NUAK1: variants seen among roughly 807,000 people sequenced by gnomAD.
NUAK1 encodes the protein NUAK family SNF1-like kinase 1.
In NUAK1, 26 loss-of-function variants were observed where a neutral mutation model predicts 56.9. The ratio of observed to expected loss-of-function variants is 0.46; its 90% CI spans 0.33 to 0.63. The LOEUF is 0.63. Among genes scored for constraint, NUAK1 ranks in the 30% least tolerant of loss-of-function variants. The probability of loss-of-function intolerance (pLI) is 0.02; values close to 1 mark genes in which losing one functional copy is unlikely to be tolerated. For synonymous variants in NUAK1, 337 were observed against 336.0 expected (o/e 1.00, Z -0.03); for missense variants, 727 against 876.1 (o/e 0.83, Z 2.15).
chr12:106,067,907 C>T lies in NUAK1; in HGVS notation c.881G>A (p.Arg294Gln). ...GTTGGCAATGTCCTCAATAGTGGCC[C>T]GGCGATCGGGGTTCACCATCAGCAT... ...RWMLMVNPDR[R>Q]ATIEDIANHW... Residue 294 changes from arginine to glutamine, a missense_variant, in exon 7 of 7, where the codon CGG becomes CAG. Transcript: ENST00000261402. This position sits in a 1 kb window ranked among gnomAD's most constrained non-coding sequence, Gnocchi z 6.0. The T allele has an allele frequency of 6.2e-7, 1 of 1,613,664 alleles. No individual in the cohort carries two copies. The highest frequency in any genetic ancestry group is 8.5e-7 in the Non-Finnish European group (1 of 1,179,690).
chr12:106,133,588 GT>G (rs2033100780), intron 1 of NUAK1, among the ~76,000 whole-genome samples: 1 of 152,192 alleles, frequency 6.6e-6, no homozygotes, highest in Non-Finnish European at 1.5e-5. Flanking sequence ...TGTAAAATGG[GT>G]CTCACTATTT....
At chr12:106,118,584 G>A (rs770836297) in intron 1 of NUAK1, among the ~76,000 whole-genome samples, 5 of 152,322 alleles carry the variant, frequency 3.3e-5, no homozygotes, top group Middle Eastern at 3.4e-3. Context: ...TGGATCAAGC[G>A]TTGCTTTGAT....
In NUAK1 at chr12:106,086,841, T is replaced by C; in HGVS notation, c.406A>G (p.Ser136Gly). 6.2e-7 allele frequency: 1 copy of C among 1,614,170 alleles called. No individual in the cohort carries two copies. The highest frequency in any genetic ancestry group is 8.5e-7 in the Non-Finnish European group (1 of 1,179,996). Reference protein sequence around the residue: ...DKIVIIMEYASKGELYDYISE... With the variant: ...DKIVIIMEYAGKGELYDYISE... ...ATGTAATCGTACAGCTCCCCTTTGC[T>C]GGCATATTCCATGATGATCACAATC... The change falls in exon 3 of 7, where the codon AGC becomes GGC. Residue 136 changes from serine (S) to glycine (G), a missense_variant. Physicochemically the swap from Ser to Gly is moderately conservative, Grantham distance 56. Transcript: ENST00000261402.
chr12:106,133,604 C>A (rs775887671), intron 1 of NUAK1, among the ~76,000 whole-genome samples: 2 of 152,196 alleles, frequency 1.3e-5, no homozygotes, highest in Admixed American at 6.5e-5. Flanking sequence ...CTATTTTACA[C>A]CTCACAGGGT....
intron 1 of NUAK1, among the ~76,000 whole-genome samples, chr12:106,121,311 A>G (rs2032972028): frequency 6.6e-6 from 1 of 152,222 alleles, no homozygotes; most frequent in African/African-American, 2.4e-5. Flanking sequence ...CACTTAGTGT[A>G]TCTTGCAGAA....
At chr12:106,083,614 G>A (rs1338245885) in intron 4 of NUAK1, among the ~76,000 whole-genome samples, 3 of 152,214 alleles carry the variant, frequency 2.0e-5, no homozygotes, top group Non-Finnish European at 4.4e-5. Flanking sequence ...GAGAGACACT[G>A]TATCTCAGTC....
In NUAK1 at chr12:106,119,721, G is replaced by A. The variant is rs1202047522; in HGVS notation, c.241-13196C>T. ...AAGAAGAATTTTATTTTTTAAAAAG[G>A]TCACAAAGAGGAATGAAAGTTAATA... On this transcript the variant is annotated intron_variant, in intron 1 of 6. Coordinates refer to ENST00000261402, the MANE Select transcript of NUAK1 (RefSeq NM_014840.3). Among the ~76,000 whole-genome samples the A allele has an allele frequency of 2.0e-5, 3 of 152,198 alleles. No homozygotes were observed. In the East Asian group the frequency reaches 5.8e-4, roughly 29 times the overall value.
chr12:106,068,921 C>A (rs1370914702), intron 6 of NUAK1, among the ~76,000 whole-genome samples: 1 of 152,190 alleles, frequency 6.6e-6, no homozygotes, highest in African/African-American at 2.4e-5. Context: ...GATGATCATC[C>A]TCAGTCATTC....
chr12:106,120,670 AACAG>A (rs1453836201), intron 1 of NUAK1, among the ~76,000 whole-genome samples: 2 of 152,200 alleles, frequency 1.3e-5, no homozygotes, highest in African/African-American at 4.8e-5. Flanking sequence ...CCCTGAAATA[AACAG>A]ACAGTCAAAG....
intron 4 of NUAK1, among the ~76,000 whole-genome samples, chr12:106,082,669 G>A (rs919703069): frequency 2.0e-5 from 3 of 152,116 alleles, no homozygotes; most frequent in African/African-American, 4.8e-5. Context: ...ATGTGACTAC[G>A]GTCAAACACT....
At position 106,067,139 on chromosome 12, in the gene NUAK1, G is replaced by T. The variant is rs2032350049; in HGVS notation, c.1649C>A (p.Ser550Tyr). The change falls in exon 7 of 7, where the codon TCC (serine) becomes TAC (tyrosine). Residue 550 changes from serine to tyrosine, a missense_variant. Transcript: ENST00000261402. The surrounding 1 kb of genome is among the most constrained non-coding windows in gnomAD (Gnocchi z 6.0). The stretch of plus-strand genomic sequence containing the variant: ...GGCAGGGACACCAGGCTCTGACAGG[G>T]ATTCCAGTGTGGGCATTTCAGGGCT... ...LVSPEMPTLE[S>Y]LSEPGVPAEG... is the part of the protein sequence containing the mutation. 2 of 1,614,080 alleles carry T rather than the reference G, an allele frequency of 1.2e-6. No homozygotes were observed. The highest frequency in any genetic ancestry group is 1.3e-5 in the African/African-American group (1 of 74,920).
chr12:106,076,386 G>A (rs1312929396), intron 4 of NUAK1, among the ~76,000 whole-genome samples: 1 of 152,120 alleles, frequency 6.6e-6, no homozygotes, highest in Non-Finnish European at 1.5e-5. Context: ...GAGGCGACTG[G>A]GCTGAAGAAT....
At chr12:106,133,062 C>T (rs2033095677) in intron 1 of NUAK1, among the ~76,000 whole-genome samples, 1 of 152,160 alleles carries the variant, frequency 6.6e-6, no homozygotes, top group African/African-American at 2.4e-5. Flanking sequence ...ATGTTATAAG[C>T]ACTCAAGAAG....
chr12:106,098,256 A>G (rs1313613052), intron 2 of NUAK1, among the ~76,000 whole-genome samples: 1 of 152,170 alleles, frequency 6.6e-6, no homozygotes, highest in African/African-American at 2.4e-5. Flanking sequence ...TTTAACTGAT[A>G]GTGCACTCAT....
chr12:106,099,867 T>C, intron 2 of NUAK1, among the ~76,000 whole-genome samples: 1 of 151,546 alleles, frequency 6.6e-6, no homozygotes, highest in East Asian at 2.0e-4. Context: ...CTTGGCTCAT[T>C]GCAACCTCCA....
chr12:106,110,771 GT>G (rs1344521844), intron 1 of NUAK1, among the ~76,000 whole-genome samples: 1 of 152,232 alleles, frequency 6.6e-6, no homozygotes, highest in African/African-American at 2.4e-5. Flanking sequence ...CCACCTTATG[GT>G]TTAATGTTTA....
At chr12:106,119,693 G>A (rs546164444) in intron 1 of NUAK1, among the ~76,000 whole-genome samples, 5 of 152,232 alleles carry the variant, frequency 3.3e-5, no homozygotes, top group Non-Finnish European at 7.4e-5. Flanking sequence ...TTCGCTAAGG[G>A]AAAAGAAGAA....
At chr12:106,078,671 G>A (rs897746695) in intron 4 of NUAK1, among the ~76,000 whole-genome samples, 2 of 152,152 alleles carry the variant, frequency 1.3e-5, no homozygotes, top group Non-Finnish European at 2.9e-5. Context: ...GAGTGGGGTC[G>A]GCTTCTGTCT....
In NUAK1 at chr12:106,138,147, C is replaced by T. The variant is rs868163912; in HGVS notation, c.240+267G>A. Among the ~76,000 whole-genome samples the T allele has an allele frequency of 6.6e-6, 1 of 152,224 alleles. No individual in the cohort carries two copies. The highest frequency in any genetic ancestry group is 2.4e-5 in the African/African-American group (1 of 41,454). On this transcript the variant is annotated intron_variant, in intron 1 of 6. Transcript: ENST00000261402. This position sits in a 1 kb window ranked among gnomAD's most constrained non-coding sequence, Gnocchi z 5.0. ...AAGTGTTTGCAAATCTAAAACATTC[C>T]TTTGCTGCTAGGATTAAATTTTTAA... is the stretch of plus-strand genomic sequence containing the variant.
Sources: gnomAD v4.1 joint callset for allele counts (sites outside exome capture counted in the v4.1 genomes callset) on GRCh38, gnomAD v4.1.1 for gene constraint, Gnocchi (gnomAD v3.1) non-coding constraint, MANE v1.5 for transcripts, NCBI Gene and HGNC (gene_info 2026-07-23, HGNC 2026-07-21) for gene names.